CAMKMT: variants seen among roughly 807,000 people sequenced by gnomAD.
CAMKMT encodes the protein CaM KMT.
CAMKMT carries 53 observed loss-of-function variants against 48.0 expected under a neutral mutation model. The observed-to-expected ratio is 1.10, with a 90% CI of 0.89 to 1.39. The LOEUF (loss-of-function observed/expected upper bound fraction) is 1.39, where lower values mean the gene tolerates loss of function less well. CAMKMT is among the 40% of genes most tolerant of loss of function. CAMKMT has a pLI of 0.00. For missense variants in CAMKMT, 428 were observed against 402.7 expected (o/e 1.06, Z -0.54); for synonymous variants, 165 against 152.3 (o/e 1.08, Z -0.61).
chr2:44,678,358 A>T (rs1675834637), intron 3 of CAMKMT, among the ~76,000 whole-genome samples: 1 of 152,204 alleles, frequency 6.6e-6, no homozygotes, highest in Non-Finnish European at 1.5e-5. Context: ...ACTTCTCTAA[A>T]TGTGACTGTG....
At chr2:44,627,568 G>C (rs1407615193) in intron 3 of CAMKMT, among the ~76,000 whole-genome samples, 1 of 151,832 alleles carries the variant, frequency 6.6e-6, no homozygotes, top group Non-Finnish European at 1.5e-5. Flanking sequence ...AATAGACATA[G>C]GCCTCTTCAG....
Position 44,627,697 on chromosome 2 carries a change from C to CTTTTTTTTTTTTTT in CAMKMT, c.377-76569_377-76556dup, listed in dbSNP as rs1174344846. ...TTATTTATAATGGTCCCATTTTATC[C>CTTTTTTTTTTTTTT]TTTTTTTTTTTTTTTTTTTTTTTTT... On this transcript the variant is annotated intron_variant, in intron 3 of 10. Transcript: ENST00000378494. 4.8e-4 allele frequency among the ~76,000 whole-genome samples: 36 copies of CTTTTTTTTTTTTTT among 75,096 alleles called. 6 individuals are homozygous for CTTTTTTTTTTTTTT. Among genetic ancestry groups the CTTTTTTTTTTTTTT allele is most frequent in the Non-Finnish European group, 7.4e-4 (31 of 41,772 alleles). 49.3% of individuals were successfully genotyped at this position (75,096 alleles called of 152,430 possible). A position where few individuals can be genotyped will look rare whatever the true frequency, so the allele number is the denominator to read the frequency against.
intron 3 of CAMKMT, among the ~76,000 whole-genome samples, chr2:44,601,129 A>G (rs1670961919): frequency 6.6e-6 from 1 of 152,146 alleles, no homozygotes; most frequent in African/African-American, 2.4e-5. Context: ...ATATAGCCAG[A>G]TGTTTTACTT....
At chr2:44,482,771 A>G (rs1669035615) in intron 3 of CAMKMT, among the ~76,000 whole-genome samples, 1 of 152,022 alleles carries the variant, frequency 6.6e-6, no homozygotes, top group Non-Finnish European at 1.5e-5. Context: ...TTCTTTTTGT[A>G]GAGGGGAGAA....
At chr2:44,410,222 C>CATCAGTAGATTAGTAAATATGAGTT (rs1683096026) in intron 3 of CAMKMT, among the ~76,000 whole-genome samples, 1 of 12,118 alleles carries the variant, frequency 8.3e-5, no homozygotes, top group Non-Finnish European at 2.0e-4. Context: ...AGTAATTAGT[C>CATCAGTAGATTAGTAAATATGAGTT]AGGTATCAGT....
At chr2:44,745,105 G>A (rs1306652162) in intron 8 of CAMKMT, among the ~76,000 whole-genome samples, 1 of 152,146 alleles carries the variant, frequency 6.6e-6, no homozygotes, top group Non-Finnish European at 1.5e-5. Context: ...ATGCTGGCAG[G>A]ATTAGATCAG....
At chr2:44,396,394 T>C (rs1681846233) in intron 3 of CAMKMT, among the ~76,000 whole-genome samples, 1 of 151,924 alleles carries the variant, frequency 6.6e-6, no homozygotes, top group Admixed American at 6.6e-5. Context: ...CTCTTACAAA[T>C]CCATAATAAA....
intron 3 of CAMKMT, among the ~76,000 whole-genome samples, chr2:44,605,259 AGT>A (rs746598173): frequency 3.4e-4 from 51 of 152,158 alleles, no homozygotes; most frequent in Non-Finnish European, 5.9e-4. Flanking sequence ...CATACAGATG[AGT>A]GTTGCCCTCT....
chr2:44,431,561 G>A (rs558314636), intron 3 of CAMKMT, among the ~76,000 whole-genome samples: 34 of 152,166 alleles, frequency 2.2e-4, no homozygotes, highest in African/African-American at 7.5e-4. Flanking sequence ...TCTAAATCTT[G>A]CTGTGTCACA....
chr2:44,688,801 C>G (rs574052995), intron 3 of CAMKMT, among the ~76,000 whole-genome samples: 1 of 152,246 alleles, frequency 6.6e-6, no homozygotes, highest in African/African-American at 2.4e-5. Context: ...GGACGTGCAC[C>G]TAAACAACAT....
At chr2:44,591,474 C>A (rs1374407003) in intron 3 of CAMKMT, among the ~76,000 whole-genome samples, 2 of 152,080 alleles carry the variant, frequency 1.3e-5, no homozygotes, top group Non-Finnish European at 2.9e-5. Context: ...CTTCACGTCC[C>A]TTGTAAGTTG....
intron 6 of CAMKMT, among the ~76,000 whole-genome samples, chr2:44,710,111 A>G (rs991598682): frequency 4.0e-4 from 61 of 151,838 alleles, no homozygotes; most frequent in African/African-American, 1.4e-3. Flanking sequence ...TTTTTTTAAA[A>G]AAAAAAACAG....
intron 3 of CAMKMT, among the ~76,000 whole-genome samples, chr2:44,435,491 T>C (rs754017247): frequency 1.3e-5 from 2 of 152,204 alleles, no homozygotes; most frequent in Non-Finnish European, 2.9e-5. Flanking sequence ...TATCCTTAAT[T>C]ACAACTCAGT....
chr2:44,456,710 G>T, intron 3 of CAMKMT: 1 of 1,061,672 alleles, frequency 9.4e-7, no homozygotes, highest in South Asian at 1.8e-5. Context: ...TTGTCTTCAT[G>T]ATCTTCATTA....
At chr2:44,732,410 G>A (rs879654502) in intron 7 of CAMKMT, among the ~76,000 whole-genome samples, 7 of 152,204 alleles carry the variant, frequency 4.6e-5, no homozygotes, top group Admixed American at 4.6e-4. Context: ...TTTTACTTTG[G>A]TGTCAGTGTA....
chr2:44,646,902 A>C (rs184415598), intron 3 of CAMKMT, among the ~76,000 whole-genome samples: 3 of 152,322 alleles, frequency 2.0e-5, no homozygotes, highest in Non-Finnish European at 4.4e-5. Context: ...ATGAGAGCCA[A>C]TGGGTCTGTG....
At chr2:44,741,828 AAGCACCTC>A (rs1289175062) in intron 7 of CAMKMT, among the ~76,000 whole-genome samples, 4 of 152,190 alleles carry the variant, frequency 2.6e-5, no homozygotes, top group Non-Finnish European at 5.9e-5. Context: ...CAAGGGGCTG[AAGCACCTC>A]AGGAATACAG....
At chr2:44,649,119 A>G (rs1673916172) in intron 3 of CAMKMT, among the ~76,000 whole-genome samples, 1 of 152,178 alleles carries the variant, frequency 6.6e-6, no homozygotes, top group Non-Finnish European at 1.5e-5. Context: ...ATGACATTTT[A>G]ACTGGGGGTA....
chr2:44,519,670 T>C (rs1459742818), intron 3 of CAMKMT, among the ~76,000 whole-genome samples: 1 of 152,168 alleles, frequency 6.6e-6, no homozygotes, highest in East Asian at 1.9e-4. Flanking sequence ...CAAAAAAGTG[T>C]GACTTAGGAC....
Sources: allele counts gnomAD v4.1 joint callset (sites outside exome capture counted in the v4.1 genomes callset), GRCh38; gene constraint gnomAD v4.1.1; transcripts MANE v1.5; gene names NCBI Gene and HGNC (gene_info 2026-07-23, HGNC 2026-07-21).